The following DPY30 variants were observed in gnomAD, a reference collection of about 807,000 sequenced individuals.
DPY30 encodes the protein dpy-30 histone methyltransferase complex regulatory subunit.
In DPY30, 6 loss-of-function variants were observed where a neutral mutation model predicts 16.2. The ratio of observed to expected loss-of-function variants is 0.37; its 90% CI spans 0.20 to 0.73. The LOEUF (loss-of-function observed/expected upper bound fraction) is 0.73. DPY30 is among the 30% of genes least tolerant of loss of function. DPY30 has a pLI of 0.51. For missense variants in DPY30, 73 were observed against 113.1 expected (o/e 0.65, Z 1.61); for synonymous variants, 39 against 38.8 (o/e 1.00, Z -0.02).
At chr2:32,030,734 G>C (rs1018241727) in intron 3 of DPY30, among the ~76,000 whole-genome samples, 5 of 152,032 alleles carry the variant, frequency 3.3e-5, no homozygotes, top group Admixed American at 1.3e-4. Context: ...AGGAGACGGA[G>C]GTTGCAGTGA....
chr2:32,014,013 A>G (rs1675017197), intron 5 of DPY30, among the ~76,000 whole-genome samples: 1 of 150,526 alleles, frequency 6.6e-6, no homozygotes, highest in African/African-American at 2.4e-5. Flanking sequence ...TGAGAAAGAA[A>G]GAAAGAGAGA....
intron 2 of DPY30, 30 bp from the exon 3 acceptor site, chr2:32,039,356 A>T (rs748545804): frequency 6.2e-7 from 1 of 1,614,148 alleles, no homozygotes; most frequent in South Asian, 1.1e-5. Context: ...TCACAGAGAT[A>T]TAAGTCCCCC....
At chr2:32,021,448 C>T (rs1340410832), downstream of DPY30, among the ~76,000 whole-genome samples, 1 of 151,834 alleles carries the variant, frequency 6.6e-6, no homozygotes, top group Non-Finnish European at 1.5e-5. Flanking sequence ...GAGGCTGAGG[C>T]GGGTGGATCA....
intron 3 of DPY30, among the ~76,000 whole-genome samples, chr2:32,033,262 C>T (rs953434284): frequency 2.0e-5 from 3 of 151,064 alleles, no homozygotes. Flanking sequence ...GAGCCGAGAT[C>T]GCACCGTTGC....
intron 5 of DPY30, among the ~76,000 whole-genome samples, chr2:32,017,002 C>A (rs903995910): frequency 2.0e-5 from 3 of 152,044 alleles, no homozygotes; most frequent in African/African-American, 7.2e-5. Context: ...CCTGCCTCAG[C>A]CTCCCGAGTA....
intron 4 of DPY30, among the ~76,000 whole-genome samples, chr2:32,027,768 A>G (rs542361553): frequency 6.3e-4 from 95 of 151,068 alleles, no homozygotes; most frequent in Admixed American, 2.6e-3. Context: ...AGCTGGGCCT[A>G]CAGGCACCTG....
At chr2:32,037,741 A>G (rs1675800079) in intron 3 of DPY30, among the ~76,000 whole-genome samples, 1 of 151,978 alleles carries the variant, frequency 6.6e-6, no homozygotes, top group South Asian at 2.1e-4. Flanking sequence ...TATTTTCAGT[A>G]GAGACGGAGT....
At chr2:32,035,593 A>G (rs1340288446) in intron 3 of DPY30, among the ~76,000 whole-genome samples, 2 of 148,704 alleles carry the variant, frequency 1.3e-5, no homozygotes, top group Non-Finnish European at 3.0e-5. Context: ...CATCTTATTA[A>G]AAAAAAAAAA....
In DPY30 at chr2:32,030,798, CTAAA is replaced by C. The variant is rs558807200; in HGVS notation, c.85-1066_85-1063del. Among the ~76,000 whole-genome samples the C allele has an allele frequency of 4.6e-5, 7 of 151,700 alleles. No individual in the cohort carries two copies. In the South Asian group the frequency reaches 6.3e-4, roughly 14 times the overall value. The stretch of plus-strand genomic sequence containing the variant: ...TGACCGACAAAGCAAGGCCCTGTCT[CTAAA>C]TAAATAAATAAATCTATGATTTTTA... On this transcript the variant is annotated intron_variant, in intron 3 of 4. Transcript: ENST00000342166.
chr2:32,030,815 T>C (rs1402214738), intron 3 of DPY30, among the ~76,000 whole-genome samples: 2 of 151,698 alleles, frequency 1.3e-5, no homozygotes, highest in African/African-American at 4.8e-5. Context: ...AATAAATAAA[T>C]CTATGATTTT....
chr2:32,032,122 T>G (rs970458960), intron 3 of DPY30, among the ~76,000 whole-genome samples: 1 of 152,148 alleles, frequency 6.6e-6, no homozygotes, highest in Non-Finnish European at 1.5e-5. Flanking sequence ...GTAACATATA[T>G]AGCATGGTTT....
intron 5 of DPY30, among the ~76,000 whole-genome samples, chr2:32,013,603 C>T (rs745704393): frequency 1.3e-5 from 2 of 152,160 alleles, no homozygotes; most frequent in Non-Finnish European, 2.9e-5. Context: ...TCAATAATTT[C>T]CATTATATCC....
At chr2:32,018,940 C>T (rs988198646), downstream of DPY30, among the ~76,000 whole-genome samples, 2 of 151,984 alleles carry the variant, frequency 1.3e-5, no homozygotes, top group Non-Finnish European at 2.9e-5. Context: ...GTGGGAGGAT[C>T]ACTTGAGCCT....
intron 4 of DPY30, among the ~76,000 whole-genome samples, chr2:32,027,328 A>G (rs1438662381): frequency 1.4e-5 from 2 of 142,270 alleles, no homozygotes; most frequent in Non-Finnish European, 3.1e-5. Context: ...TCAGGAGTTC[A>G]AGACCAGCCT....
intron 3 of DPY30, among the ~76,000 whole-genome samples, chr2:32,031,180 T>G (rs1675524323): frequency 6.6e-6 from 1 of 152,000 alleles, no homozygotes; most frequent in Non-Finnish European, 1.5e-5. Context: ...CCCAGCACTT[T>G]CGGAGGCCAA....
intron 5 of DPY30, among the ~76,000 whole-genome samples, chr2:32,014,313 A>G (rs1675022830): frequency 6.6e-6 from 1 of 152,180 alleles, no homozygotes; most frequent in Non-Finnish European, 1.5e-5. Flanking sequence ...CAAGACAAAA[A>G]AAAGCTAAAA....
chr2:32,025,408 A>G (rs563857679), intron 4 of DPY30, among the ~76,000 whole-genome samples: 230 of 152,180 alleles, frequency 1.5e-3, no homozygotes, highest in African/African-American at 5.2e-3. Flanking sequence ...GGTTGCAGTG[A>G]GCCGAGATCA....
downstream of DPY30, among the ~76,000 whole-genome samples, chr2:32,023,047 G>A (rs954303438): frequency 5.3e-4 from 81 of 151,786 alleles, no homozygotes; most frequent in African/African-American, 2.0e-3. Flanking sequence ...GCTGGGCATG[G>A]TGGCTCATGC....
rs181719085 is a variant in DPY30 at position 32,036,411 on chromosome 2, C to A, written c.84+2868G>T. 2.7e-4 allele frequency among the ~76,000 whole-genome samples: 41 copies of A among 152,184 alleles called. No individual in the cohort carries two copies. The East Asian group carries it at 7.0e-3, about 26-fold the overall frequency. ...AACTGGCTGGGCGCGGTGGCTCACG[C>A]CTGTAATCCCAGCACTTTGGGAGGC... On this transcript the variant is annotated intron_variant, in intron 3 of 4. Coordinates refer to ENST00000342166, the MANE Select transcript of DPY30 (RefSeq NM_001321209.2).
Sources: gnomAD v4.1 joint callset for allele counts (sites outside exome capture counted in the v4.1 genomes callset) on GRCh38, gnomAD v4.1.1 for gene constraint, MANE v1.5 for transcripts, NCBI Gene and HGNC (gene_info 2026-07-23, HGNC 2026-07-21) for gene names.